The following EVC variants were observed in gnomAD, a reference collection of about 807,000 sequenced individuals.
EVC encodes EvC ciliary complex subunit 1.
EVC carries 116 observed loss-of-function variants against 118.9 expected under a neutral mutation model. The ratio of observed to expected loss-of-function variants is 0.98; its 90% CI spans 0.84 to 1.14. The LOEUF (loss-of-function observed/expected upper bound fraction) is 1.14. Ranked by LOEUF, EVC falls within the 50% of genes most tolerant of loss-of-function variation. EVC has a pLI of 0.00. For synonymous variants in EVC, 619 were observed against 534.7 expected, an observed-to-expected ratio of 1.16 and a Z score of -2.18; for missense variants, 1,401 against 1,246.4, an observed-to-expected ratio of 1.12 and a Z score of -1.87.
chr4:5,822,280 C>T, the EVC span, among the ~76,000 whole-genome samples: 23 of 152,264 alleles, frequency 1.5e-4, no homozygotes, highest in Middle Eastern at 3.4e-3. Context: ...ACGTGTCTTG[C>T]GGGACACAGG....
Position 5,740,362 on chromosome 4 carries a change from T to C in EVC, c.703-1354T>C, listed in dbSNP as rs183010331. On this transcript the variant is annotated intron_variant, in intron 5 of 20. Coordinates refer to ENST00000264956, the MANE Select transcript of EVC (RefSeq NM_153717.3). ...GGCACATGCTTGTAATCCCACCTAC[T>C]TGGGAGGCTGAGGTGGGAGAATCGC... is the stretch of plus-strand genomic sequence containing the variant. Among the ~76,000 whole-genome samples the C allele has an allele frequency of 2.1e-3, 314 of 151,456 alleles. 1 individual carries two copies. In the Middle Eastern group the frequency reaches 0.027, roughly 13 times the overall value.
chr4:5,787,855 A>G (rs948632982), intron 12 of EVC, among the ~76,000 whole-genome samples: 2 of 152,052 alleles, frequency 1.3e-5, no homozygotes, highest in African/African-American at 2.4e-5. Flanking sequence ...GGTGGTTTTC[A>G]TCATTTCATC....
At chr4:5,727,142 G>A (rs992883553) in intron 2 of EVC, among the ~76,000 whole-genome samples, 4 of 151,868 alleles carry the variant, frequency 2.6e-5, no homozygotes, top group Non-Finnish European at 2.9e-5. Context: ...CTGAGGAATC[G>A]CCACACTGAC....
Position 5,743,913 on chromosome 4 carries a change from A to G in EVC, c.802-1291A>G, listed in dbSNP as rs192414982. Among the ~76,000 whole-genome samples the G allele has an allele frequency of 2.2e-4, 33 of 152,316 alleles. No individual in the cohort carries two copies. Among genetic ancestry groups the G allele is most frequent in the African/African-American group, 7.5e-4 (31 of 41,562 alleles). ...GATAATGATGATGATGACATTTATA[A>G]TGGTATTAGTAATAATGAAACAATA... On this transcript the variant is annotated intron_variant, in intron 6 of 20. Transcript: ENST00000264956. The surrounding 1 kb of genome is among the most constrained non-coding windows in gnomAD (Gnocchi z 4.7).
chr4:5,778,257 G>A (rs923244120), intron 11 of EVC, among the ~76,000 whole-genome samples: 8 of 151,736 alleles, frequency 5.3e-5, no homozygotes, highest in African/African-American at 1.9e-4. Context: ...ATTTGGGTTG[G>A]TTCCAAGTCT....
chr4:5,753,661 C>G, intron 9 of EVC, 124 bp from the exon 10 acceptor site: 2 of 1,242,378 alleles, frequency 1.6e-6, no homozygotes, highest in Non-Finnish European at 2.4e-6. Context: ...ACCAGCAGGG[C>G]GGGCACCATC....
At chr4:5,776,037 CAAGTT>C (rs1734673236) in intron 11 of EVC, among the ~76,000 whole-genome samples, 1 of 151,336 alleles carries the variant, frequency 6.6e-6, no homozygotes, top group Non-Finnish European at 1.5e-5. Context: ...TTTTTTTAAT[CAAGTT>C]AAGGAAGTTT....
In EVC at chr4:5,804,809, C is replaced by CGCT; in HGVS notation, c.2530_2532dup (p.Ala844dup). The CGCT allele has an allele frequency of 6.2e-7, 1 of 1,614,100 alleles. No homozygotes were observed. Among genetic ancestry groups the CGCT allele is most frequent in the East Asian group, 2.2e-5 (1 of 44,864 alleles). On this transcript the variant is annotated inframe_insertion, in exon 17 of 21. Coordinates refer to ENST00000264956, the MANE Select transcript of EVC (RefSeq NM_153717.3). The stretch of plus-strand genomic sequence containing the variant: ...CGTCGGGCAGCAGGACGGCAGGTGG[C>CGCT]GCTCATGAGACCTCCCAGGCGGTCC...
At chr4:5,803,350 CT>C (rs1577644683) in intron 16 of EVC, among the ~76,000 whole-genome samples, 1 of 152,214 alleles carries the variant, frequency 6.6e-6, no homozygotes, top group Non-Finnish European at 1.5e-5. Flanking sequence ...TCCTGAAGAA[CT>C]TGAGGCCTAG....
Position 5,749,356 on chromosome 4 carries a change from A to AG in EVC, c.1098+1050_1098+1051insG, listed in dbSNP as rs1730001896. The stretch of plus-strand genomic sequence containing the variant: ...CTGATGAGCGGAAAAAAAAAAAAAA[A>AG]AAAAGGTCCCTCCTTATTTTTGTGA... On this transcript the variant is annotated intron_variant, in intron 8 of 20. Transcript: ENST00000264956. The surrounding 1 kb of genome is among the most constrained non-coding windows in gnomAD (Gnocchi z 4.4). Among the ~76,000 whole-genome samples the AG allele has an allele frequency of 6.6e-6, 1 of 151,888 alleles. No homozygotes were observed. The highest frequency in any genetic ancestry group is 2.1e-4 in the South Asian group (1 of 4,808).
chr4:5,793,758 C>CA (rs1560418433), intron 13 of EVC, 41 bp downstream of exon 13: 2 of 1,444,964 alleles, frequency 1.4e-6, no homozygotes, highest in South Asian at 1.2e-5. Context: ...TTGTGTCCTG[C>CA]ATGATGCTCC....
chr4:5,801,022 T>G (rs1345004101), intron 15 of EVC, among the ~76,000 whole-genome samples: 1 of 152,230 alleles, frequency 6.6e-6, no homozygotes, highest in African/African-American at 2.4e-5. Context: ...GAATGATAAC[T>G]TTGTCAGTGC....
intron 11 of EVC, among the ~76,000 whole-genome samples, chr4:5,772,192 G>T (rs1407170679): frequency 6.6e-6 from 1 of 152,134 alleles, no homozygotes; most frequent in Non-Finnish European, 1.5e-5. Context: ...CACCGTGCCT[G>T]GCTGTGGCTT....
At chr4:5,796,709 C>G (rs1183295257) in intron 13 of EVC, among the ~76,000 whole-genome samples, 1 of 151,882 alleles carries the variant, frequency 6.6e-6, no homozygotes, top group Non-Finnish European at 1.5e-5. Context: ...AAAAATGGCT[C>G]AAGATTTCAG....
At chr4:5,793,577 T>A (rs762020835) in intron 12 of EVC, 31 bp from the exon 13 acceptor site, 2 of 1,523,208 alleles carry the variant, frequency 1.3e-6, no homozygotes, top group South Asian at 2.4e-5. Flanking sequence ...AGTAACCACA[T>A]GCCTGCTCTG....
chr4:5,828,041 T>C, the EVC span: 1 of 985,404 alleles, frequency 1.0e-6, no homozygotes, highest in East Asian at 1.1e-4. Flanking sequence ...AAGGAAGCCC[T>C]GCCTGCAAGA....
chr4:5,725,582 G>C (rs940594214), intron 2 of EVC, among the ~76,000 whole-genome samples: 11 of 152,104 alleles, frequency 7.2e-5, no homozygotes, highest in African/African-American at 2.7e-4. Flanking sequence ...TTTTATTCTT[G>C]TAAATTTGTT....
chr4:5,798,038 A>G lies in EVC; in HGVS notation c.2098-548A>G, dbSNP rs1437941212. On this transcript the variant is annotated intron_variant, in intron 14 of 20. Coordinates refer to ENST00000264956, the MANE Select transcript of EVC (RefSeq NM_153717.3). The surrounding 1 kb of genome is among the most constrained non-coding windows in gnomAD (Gnocchi z 4.1). ...ACCCATGAATGAGGCACAAGCCCAC[A>G]GTCTCTTAAGCTCTATCCAGGAGAG... Among the ~76,000 whole-genome samples the G allele has an allele frequency of 1.3e-5, 2 of 152,200 alleles. No individual in the cohort carries two copies. Among genetic ancestry groups the G allele is most frequent in the East Asian group, 3.9e-4 (2 of 5,180 alleles).
rs548648991 is a variant in EVC at position 5,770,419 on chromosome 4, G to C, written c.1564-13133G>C. 5.9e-5 allele frequency among the ~76,000 whole-genome samples: 9 copies of C among 152,264 alleles called. No individual in the cohort carries two copies. In the South Asian group the frequency reaches 6.2e-4, roughly 11 times the overall value. ...CAGGGGCTGAGAGGTGACATACCAG[G>C]GGCCAAGGACAGGCCAGACCCCTCT... On this transcript the variant is annotated intron_variant, in intron 11 of 20. Coordinates refer to ENST00000264956, the MANE Select transcript of EVC (RefSeq NM_153717.3).
Sources: allele counts gnomAD v4.1 joint callset (sites outside exome capture counted in the v4.1 genomes callset), GRCh38; gene constraint gnomAD v4.1.1; non-coding constraint Gnocchi (gnomAD v3.1); transcripts MANE v1.5; gene names NCBI Gene and HGNC (gene_info 2026-07-23, HGNC 2026-07-21).